Variants in FNDC3B observed in about 807,000 individuals in gnomAD.
FNDC3B encodes fibronectin type III domain containing 3B.
Under a neutral mutation model 151.5 loss-of-function variants are expected in FNDC3B, and 12 were observed. The ratio of observed to expected loss-of-function variants is 0.08; its 90% CI spans 0.05 to 0.13. The LOEUF (loss-of-function observed/expected upper bound fraction) is 0.13, where lower values mean the gene tolerates loss of function less well. Among genes scored for constraint, FNDC3B ranks in the 10% least tolerant of loss-of-function variants. The pLI, the probability that FNDC3B is intolerant of heterozygous loss-of-function variation, is 1.00. For missense variants in FNDC3B, 1,214 were observed against 1,505.3 expected, an observed-to-expected ratio of 0.81 and a Z score of 3.20; for synonymous variants, 528 against 549.0, an observed-to-expected ratio of 0.96 and a Z score of 0.54.
chr3:172,129,834 G>T (rs1322204283), intron 2 of FNDC3B, among the ~76,000 whole-genome samples: 3 of 152,018 alleles, frequency 2.0e-5, no homozygotes, highest in Non-Finnish European at 4.4e-5. Flanking sequence ...CTGAAGACAT[G>T]GTGCAGTATG....
At position 172,344,207 on chromosome 3, in the gene FNDC3B, G is replaced by A; in HGVS notation, c.2199G>A (p.Leu733=). 1 of 1,614,118 alleles carries A rather than the reference G, an allele frequency of 6.2e-7. No individual in the cohort carries two copies. Among genetic ancestry groups the A allele is most frequent in the Non-Finnish European group, 8.5e-7 (1 of 1,179,984 alleles). ...AGCTGGAGTGCACCGTCGGCAACCT[G>A]CTTCCTGGAACCGTGTATCGCTTCC... ...GPELECTVGN[L]LPGTVYRFRV... is the part of the protein sequence containing the mutation. The change falls in exon 19 of 26, where the codon CTG becomes CTA. Residue 733 remains leucine (L), a synonymous_variant. Transcript: ENST00000415807.
chr3:172,050,714 T>G (rs1028560125), intron 1 of FNDC3B, among the ~76,000 whole-genome samples: 2 of 149,580 alleles, frequency 1.3e-5, no homozygotes, highest in Non-Finnish European at 3.0e-5. Context: ...TGTGTGTGTG[T>G]GTGTGTGTGT....
At chr3:172,346,547 T>C in intron 20 of FNDC3B, 107 bp downstream of exon 20, 4 of 429,734 alleles carry the variant, frequency 9.3e-6, no homozygotes, top group Non-Finnish European at 1.6e-5. Flanking sequence ...TATAGATGAT[T>C]TTTTTTTTTT....
chr3:172,135,740 C>T (rs977607859), intron 3 of FNDC3B, among the ~76,000 whole-genome samples: 1 of 152,166 alleles, frequency 6.6e-6, no homozygotes, highest in African/African-American at 2.4e-5. Context: ...GCCCAGCAGG[C>T]TGAACCCCAA....
intron 1 of FNDC3B, among the ~76,000 whole-genome samples, chr3:172,109,982 G>T (rs936185531): frequency 1.2e-4 from 19 of 152,104 alleles, no homozygotes; most frequent in African/African-American, 4.3e-4. Flanking sequence ...TGGGTCTGGG[G>T]GATCCATCTA....
At chr3:172,316,490 A>G (rs1731795105) in intron 11 of FNDC3B, 1 of 451,158 alleles carries the variant, frequency 2.2e-6, no homozygotes, top group South Asian at 1.6e-5. Flanking sequence ...ATGTTCCTAA[A>G]CAGATCGTGA....
intron 1 of FNDC3B, among the ~76,000 whole-genome samples, chr3:172,049,403 T>C (rs1435721227): frequency 6.6e-6 from 1 of 152,214 alleles, no homozygotes; most frequent in African/African-American, 2.4e-5. Context: ...GGGAGTTTGT[T>C]AATATTGGCA....
At chr3:172,081,729 G>A (rs1186049249) in intron 1 of FNDC3B, among the ~76,000 whole-genome samples, 6 of 152,120 alleles carry the variant, frequency 3.9e-5, no homozygotes, top group African/African-American at 1.4e-4. Context: ...AGTAACAGGT[G>A]ACAGATTTGG....
In FNDC3B at chr3:172,397,478, C is replaced by T. The variant is rs1736347921; in HGVS notation, c.*3C>T. Reference sequence around the variant, plus strand: ...TACAGTACTTCTTAATGAAGTAAACCCAACAAAACTAGAGGTATGAATTAA... The same window carrying T: ...TACAGTACTTCTTAATGAAGTAAACTCAACAAAACTAGAGGTATGAATTAA... On this transcript the variant is annotated 3_prime_UTR_variant, in exon 26 of 26. Transcript: ENST00000415807. 1 of 1,559,194 alleles carries T rather than the reference C, an allele frequency of 6.4e-7. No homozygotes were observed. The highest frequency in any genetic ancestry group is 1.8e-5 in the Admixed American group (1 of 56,286).
intron 3 of FNDC3B, among the ~76,000 whole-genome samples, chr3:172,184,630 G>A (rs1210335195): frequency 6.6e-6 from 1 of 152,196 alleles, no homozygotes; most frequent in African/African-American, 2.4e-5. Context: ...CTAATTGTTT[G>A]TATACCTCAC....
At chr3:172,181,404 A>AC (rs1229252779) in intron 3 of FNDC3B, among the ~76,000 whole-genome samples, 5 of 145,924 alleles carry the variant, frequency 3.4e-5, no homozygotes, top group African/African-American at 7.5e-5. Flanking sequence ...CCAAAAAAAA[A>AC]AAAAAAAAAA....
intron 2 of FNDC3B, among the ~76,000 whole-genome samples, chr3:172,129,549 A>T (rs890822889): frequency 1.6e-4 from 25 of 152,118 alleles, no homozygotes; most frequent in Non-Finnish European, 3.2e-4. Context: ...AATTCCCATG[A>T]TGCTGTGTTT....
At chr3:172,221,366 A>G (rs948180753) in intron 3 of FNDC3B, among the ~76,000 whole-genome samples, 1 of 152,182 alleles carries the variant, frequency 6.6e-6, no homozygotes, top group Admixed American at 6.5e-5. Context: ...ATGTTGGTGG[A>G]AAGTCTGGTT....
intron 3 of FNDC3B, among the ~76,000 whole-genome samples, chr3:172,179,516 C>T (rs1723773184): frequency 6.6e-6 from 1 of 152,142 alleles, no homozygotes; most frequent in African/African-American, 2.4e-5. Context: ...ACTTCACTGT[C>T]TACAACACAC....
intron 3 of FNDC3B, among the ~76,000 whole-genome samples, chr3:172,141,221 G>T (rs1721614375): frequency 6.6e-6 from 1 of 152,038 alleles, no homozygotes; most frequent in Non-Finnish European, 1.5e-5. Flanking sequence ...TGAAATTCTA[G>T]TCTCCCTTTC....
At chr3:172,045,766 GTC>G (rs67916203) in intron 1 of FNDC3B, among the ~76,000 whole-genome samples, 67,032 of 146,814 alleles carry the variant, frequency 0.46, 16,673 homozygotes, top group Non-Finnish European at 0.56. Context: ...TTTACTGAGT[GTC>G]TCTCTCTCTC....
At chr3:172,089,982 G>T (rs1718732094) in intron 1 of FNDC3B, among the ~76,000 whole-genome samples, 2 of 152,196 alleles carry the variant, frequency 1.3e-5, no homozygotes, top group Non-Finnish European at 2.9e-5. Context: ...TCTGTCAGTT[G>T]TGATGGCTGT....
intron 9 of FNDC3B, among the ~76,000 whole-genome samples, chr3:172,299,359 A>G (rs78920648): frequency 0.018 from 2,804 of 152,210 alleles, 90 homozygotes; most frequent in African/African-American, 0.064. Context: ...TACTGTGACT[A>G]CTCTGGAAGG....
chr3:172,304,811 C>G (rs1026277657), intron 9 of FNDC3B, among the ~76,000 whole-genome samples: 1 of 151,216 alleles, frequency 6.6e-6, no homozygotes, highest in Non-Finnish European at 1.5e-5. Context: ...GCAGGAGACT[C>G]ACTTGAACCT....
Sources: gnomAD v4.1 joint callset for allele counts (sites outside exome capture counted in the v4.1 genomes callset) on GRCh38, gnomAD v4.1.1 for gene constraint, MANE v1.5 for transcripts, NCBI Gene and HGNC (gene_info 2026-07-23, HGNC 2026-07-21) for gene names.